Variants in ATPSCKMT observed in about 807,000 individuals in gnomAD.
ATPSCKMT encodes ATP synthase subunit C lysine N-methyltransferase.
In ATPSCKMT, 24 loss-of-function variants were observed where a neutral mutation model predicts 24.3. The observed-to-expected ratio is 0.99, with a 90% CI of 0.71 to 1.39. The LOEUF (loss-of-function observed/expected upper bound fraction) is 1.39. Among genes scored for constraint, ATPSCKMT ranks in the 40% most tolerant of loss-of-function variants. ATPSCKMT has a pLI of 0.00. For synonymous variants in ATPSCKMT, 95 were observed against 110.5 expected, an observed-to-expected ratio of 0.86 and a Z score of 0.88; for missense variants, 311 against 298.4, an observed-to-expected ratio of 1.04 and a Z score of -0.31.
intron 1 of ATPSCKMT, among the ~76,000 whole-genome samples, chr5:10,239,973 T>G (rs1036401317): frequency 5.3e-5 from 8 of 151,826 alleles, no homozygotes; most frequent in Non-Finnish European, 7.4e-5. Flanking sequence ...ACGCCTGTAA[T>G]CCCAGCACTT....
At chr5:10,241,904 G>A (rs560319507) in intron 1 of ATPSCKMT, among the ~76,000 whole-genome samples, 2 of 152,128 alleles carry the variant, frequency 1.3e-5, no homozygotes, top group African/African-American at 4.8e-5. Context: ...AACAATGTAT[G>A]TACCTTAATT....
At chr5:10,229,984 T>C (rs1012325591) in intron 4 of ATPSCKMT, among the ~76,000 whole-genome samples, 2 of 152,222 alleles carry the variant, frequency 1.3e-5, no homozygotes, top group African/African-American at 4.8e-5. Context: ...TCAGCCTTTT[T>C]CTCAAAGATT....
chr5:10,235,361 A>G, intron 3 of ATPSCKMT, 100 bp from the exon 4 acceptor site: 2 of 1,038,748 alleles, frequency 1.9e-6, no homozygotes, highest in Admixed American at 2.0e-5. Context: ...CCATTTTACC[A>G]AACGGTGGGT....
intron 1 of ATPSCKMT, among the ~76,000 whole-genome samples, chr5:10,248,157 G>A (rs1479136920): frequency 6.6e-6 from 1 of 152,178 alleles, no homozygotes; most frequent in Non-Finnish European, 1.5e-5. Flanking sequence ...GTGCATACCT[G>A]TTTAATAACT....
At chr5:10,241,615 C>T (rs768132769) in intron 1 of ATPSCKMT, among the ~76,000 whole-genome samples, 1 of 152,162 alleles carries the variant, frequency 6.6e-6, no homozygotes, top group South Asian at 2.1e-4. Context: ...AATGCTAGTG[C>T]TAGTATTAAT....
intron 1 of ATPSCKMT, among the ~76,000 whole-genome samples, chr5:10,240,742 T>C (rs934514379): frequency 6.6e-6 from 1 of 152,136 alleles, no homozygotes; most frequent in African/African-American, 2.4e-5. Flanking sequence ...ACACCTGTAA[T>C]CCCAGCACTT....
Position 10,243,516 on chromosome 5 carries a change from C to T in ATPSCKMT, c.17-4160G>A, listed in dbSNP as rs575346315. 3.4e-4 allele frequency among the ~76,000 whole-genome samples: 52 copies of T among 152,178 alleles called. No individual in the cohort carries two copies. In the South Asian group the frequency reaches 0.01, roughly 30 times the overall value. Reference sequence around the variant, plus strand: ...AAAGAAAATCTGTTTAGTGCAGCAACCCTCATCAACAATCTTAGCTAGATC... The same window carrying T: ...AAAGAAAATCTGTTTAGTGCAGCAATCCTCATCAACAATCTTAGCTAGATC... On this transcript the variant is annotated intron_variant, in intron 1 of 4. Coordinates refer to ENST00000511437, the MANE Select transcript of ATPSCKMT (RefSeq NM_199133.4).
At chr5:10,230,134 C>T (rs906687) in intron 4 of ATPSCKMT, among the ~76,000 whole-genome samples, 135,147 of 151,940 alleles carry the variant, frequency 0.89, 60,214 homozygotes, top group Middle Eastern at 0.95. Context: ...ACCAAGTGCT[C>T]AGAAAAACTT....
rs527636376 is a variant in ATPSCKMT at position 10,237,890 on chromosome 5, G to A, written c.306+1177C>T. 1.2e-3 allele frequency among the ~76,000 whole-genome samples: 188 copies of A among 152,158 alleles called. 1 individual carries two copies. Among genetic ancestry groups the A allele is most frequent in the African/African-American group, 4.2e-3 (175 of 41,498 alleles). On this transcript the variant is annotated intron_variant, in intron 2 of 4. Transcript: ENST00000511437. ...GCCTCCTGAGTAGCTGGGATTACAC[G>A]CGTGCACCATCATGCCTGGCTAATT...
chr5:10,228,054 A>G (rs568492377), intron 4 of ATPSCKMT, among the ~76,000 whole-genome samples: 15 of 152,326 alleles, frequency 9.8e-5, no homozygotes, highest in Non-Finnish European at 1.3e-4. Context: ...TATGTTGCCC[A>G]GGCTGGTCTC....
At chr5:10,232,355 G>T (rs1744183123) in intron 4 of ATPSCKMT, among the ~76,000 whole-genome samples, 1 of 152,238 alleles carries the variant, frequency 6.6e-6, no homozygotes, top group Admixed American at 6.5e-5. Flanking sequence ...ACTGAGTGAT[G>T]CCTGTGCCAG....
At chr5:10,242,212 G>A (rs1034804890) in intron 1 of ATPSCKMT, among the ~76,000 whole-genome samples, 5 of 152,152 alleles carry the variant, frequency 3.3e-5, no homozygotes, top group African/African-American at 7.2e-5. Context: ...ATGTGATGCT[G>A]TTTGATAGCA....
At chr5:10,234,406 TTAG>T (rs370398391) in intron 4 of ATPSCKMT, among the ~76,000 whole-genome samples, 98 of 152,326 alleles carry the variant, frequency 6.4e-4, no homozygotes, top group African/African-American at 2.2e-3. Flanking sequence ...ACTGAAGGTC[TTAG>T]TAGTAGAAAT....
chr5:10,236,489 C>G lies in ATPSCKMT; in HGVS notation c.433G>C (p.Asp145His), dbSNP rs1166770478. 1.2e-6 allele frequency: 2 copies of G among 1,614,090 alleles called. No individual in the cohort carries two copies. The highest frequency in any genetic ancestry group is 3.3e-5 in the Admixed American group (2 of 59,990). ...TCTGCCTTACATACCTTCCACAAAT[C>G]TGAAATATAAAATTTGGCAGATCCA... ...VHGSAKFYIS[D>H]LWKVTFSQYS... The change falls in exon 3 of 5, where the codon GAT becomes CAT. Residue 145 changes from aspartate to histidine, a missense_variant. Physicochemically the swap from Asp to His is moderately conservative, Grantham distance 81 (BLOSUM62 -1). Coordinates refer to ENST00000511437, the MANE Select transcript of ATPSCKMT (RefSeq NM_199133.4).
At chr5:10,240,964 C>T (rs1554008683) in intron 1 of ATPSCKMT, among the ~76,000 whole-genome samples, 2 of 150,628 alleles carry the variant, frequency 1.3e-5, no homozygotes, top group Non-Finnish European at 2.9e-5. Flanking sequence ...CCATTGCATT[C>T]CAGCCTGGGC....
chr5:10,242,107 A>G (rs551335075), intron 1 of ATPSCKMT, among the ~76,000 whole-genome samples: 1 of 152,166 alleles, frequency 6.6e-6, no homozygotes, highest in Non-Finnish European at 1.5e-5. Context: ...TGGTTGCCGA[A>G]GGTTGGGGTC....
At chr5:10,236,979 T>C in intron 2 of ATPSCKMT, 1 of 1,314,074 alleles carries the variant, frequency 7.6e-7, no homozygotes, top group Non-Finnish European at 9.9e-7. Context: ...ACAGCAGCAG[T>C]GAAATGAAAG....
intron 1 of ATPSCKMT, among the ~76,000 whole-genome samples, chr5:10,242,341 T>G (rs1744683702): frequency 2.0e-5 from 3 of 152,232 alleles, no homozygotes; most frequent in African/African-American, 7.2e-5. Context: ...CAACAATGTT[T>G]ACAGCATCCT....
chr5:10,243,343 G>T (rs1004148023), intron 1 of ATPSCKMT, among the ~76,000 whole-genome samples: 2 of 152,166 alleles, frequency 1.3e-5, no homozygotes, highest in African/African-American at 2.4e-5. Flanking sequence ...AATTAGCCAG[G>T]CGTGGTGGCA....
Sources: gnomAD v4.1 joint callset for allele counts (sites outside exome capture counted in the v4.1 genomes callset) on GRCh38, gnomAD v4.1.1 for gene constraint, MANE v1.5 for transcripts, NCBI Gene and HGNC (gene_info 2026-07-23, HGNC 2026-07-21) for gene names.